NEMP2: variants seen among roughly 807,000 people sequenced by gnomAD.
The protein encoded by NEMP2 is nuclear envelope integral membrane protein 2, also known as UPF0571 transmembrane protein.
A neutral mutation model predicts 54.2 loss-of-function variants in NEMP2; 53 were observed. That is an observed-to-expected ratio of 0.98 (90% CI 0.78 to 1.23). NEMP2 has a LOEUF of 1.23. Among genes scored for constraint, NEMP2 ranks in the 50% most tolerant of loss-of-function variants. NEMP2 has a pLI of 0.00. For synonymous variants in NEMP2, 197 were observed against 190.3 expected, an observed-to-expected ratio of 1.04 and a Z score of -0.29; for missense variants, 455 against 511.3, an observed-to-expected ratio of 0.89 and a Z score of 1.06.
At chr2:190,476,921 G>A in the NEMP2 span, among the ~76,000 whole-genome samples, 2 of 151,898 alleles carry the variant, frequency 1.3e-5, no homozygotes, top group Non-Finnish European at 2.9e-5. Context: ...GGATGAAGCT[G>A]GAAACCATCA....
chr2:190,551,677 T>C, the NEMP2 span, among the ~76,000 whole-genome samples: 1 of 152,236 alleles, frequency 6.6e-6, no homozygotes, highest in Non-Finnish European at 1.5e-5. Context: ...GCTCATTTTT[T>C]CCCCTTAGGA....
At chr2:190,496,254 G>C in the NEMP2 span, among the ~76,000 whole-genome samples, 1,221 of 152,116 alleles carry the variant, frequency 8.0e-3, 23 homozygotes, top group African/African-American at 0.027. This position sits in a 1 kb window ranked among gnomAD's most constrained non-coding sequence, Gnocchi z 4.7. Flanking sequence ...CTAGTGATCA[G>C]GGAAATGCAA....
chr2:190,643,652 A>G, the NEMP2 span, among the ~76,000 whole-genome samples: 1 of 152,352 alleles, frequency 6.6e-6, no homozygotes, highest in Non-Finnish European at 1.5e-5. Context: ...TACTCGATAC[A>G]TGTTAGTTAT....
the NEMP2 span, chr2:190,469,776 G>A: frequency 1.9e-6 from 3 of 1,590,124 alleles, no homozygotes; most frequent in Non-Finnish European, 1.7e-6. The surrounding 1 kb of genome is among the most constrained non-coding windows in gnomAD (Gnocchi z 5.3). Flanking sequence ...ACATTGGCCT[G>A]GCCTGCAATA....
the NEMP2 span, among the ~76,000 whole-genome samples, chr2:190,566,754 A>AAAGG: frequency 6.8e-6 from 1 of 146,356 alleles, no homozygotes; most frequent in East Asian, 3.0e-4. Context: ...AAAAAAAAAG[A>AAAGG]AAGGAAGGAA....
At chr2:190,606,787 AG>A in the NEMP2 span, among the ~76,000 whole-genome samples, 1 of 152,336 alleles carries the variant, frequency 6.6e-6, no homozygotes, top group Middle Eastern at 3.4e-3. Context: ...ATATAATAAT[AG>A]CTCAATTAAT....
chr2:190,537,574 C>T (rs1691417626), upstream of NEMP2, among the ~76,000 whole-genome samples: 1 of 152,142 alleles, frequency 6.6e-6, no homozygotes, highest in Non-Finnish European at 1.5e-5. Flanking sequence ...GTCAATTAAA[C>T]CTCTTTCCTT....
the NEMP2 span, among the ~76,000 whole-genome samples, chr2:190,565,052 T>C: frequency 6.6e-6 from 1 of 151,982 alleles, no homozygotes; most frequent in Non-Finnish European, 1.5e-5. Flanking sequence ...AGTGCAAAGT[T>C]TGAGATAAGT....
chr2:190,544,863 G>A, the NEMP2 span, among the ~76,000 whole-genome samples: 1 of 149,908 alleles, frequency 6.7e-6, no homozygotes, highest in African/African-American at 2.5e-5. Context: ...CATGGCAGGA[G>A]GATCACTTGA....
chr2:190,534,955 G>C, upstream of NEMP2: 1 of 269,236 alleles, frequency 3.7e-6, no homozygotes, highest in Non-Finnish European at 7.0e-6. Flanking sequence ...CAGCGCACGC[G>C]GGGCGTCCAG....
At chr2:190,560,236 G>A in the NEMP2 span, among the ~76,000 whole-genome samples, 1 of 152,228 alleles carries the variant, frequency 6.6e-6, no homozygotes, top group Non-Finnish European at 1.5e-5. The surrounding 1 kb of genome is among the most constrained non-coding windows in gnomAD (Gnocchi z 5.4). Context: ...TTGCTGCTGG[G>A]ATAGGAATGC....
At chr2:190,477,268 T>C in the NEMP2 span, 1 of 984,146 alleles carries the variant, frequency 1.0e-6, no homozygotes, top group African/African-American at 1.7e-5. Flanking sequence ...CAAGGTAATA[T>C]GCAACACAGT....
At chr2:190,448,108 A>G in the NEMP2 span, among the ~76,000 whole-genome samples, 5 of 152,180 alleles carry the variant, frequency 3.3e-5, no homozygotes, top group African/African-American at 9.7e-5. Context: ...TGTGTACTGT[A>G]CCTTTTGTGA....
the NEMP2 span, among the ~76,000 whole-genome samples, chr2:190,563,912 G>T: frequency 5.9e-5 from 9 of 152,352 alleles, no homozygotes; most frequent in East Asian, 1.7e-3. This position sits in a 1 kb window ranked among gnomAD's most constrained non-coding sequence, Gnocchi z 4.3. Context: ...AGGGGAGGCG[G>T]GGAGGCCAAC....
chr2:190,630,976 A>T, the NEMP2 span, among the ~76,000 whole-genome samples: 11 of 152,038 alleles, frequency 7.2e-5, no homozygotes, highest in Non-Finnish European at 1.5e-4. The surrounding 1 kb of genome is among the most constrained non-coding windows in gnomAD (Gnocchi z 5.5). Flanking sequence ...CAGCCTGGCC[A>T]ACATAGTGAG....
the NEMP2 span, among the ~76,000 whole-genome samples, chr2:190,472,463 G>C: frequency 6.6e-6 from 1 of 152,172 alleles, no homozygotes; most frequent in East Asian, 1.9e-4. Context: ...TAGCTGATTT[G>C]ATCATCTGGA....
chr2:190,604,913 T>C, the NEMP2 span, among the ~76,000 whole-genome samples: 1 of 152,212 alleles, frequency 6.6e-6, no homozygotes, highest in Admixed American at 6.5e-5. The surrounding 1 kb of genome is among the most constrained non-coding windows in gnomAD (Gnocchi z 4.5). Context: ...GTTCCCAGTT[T>C]TTGTTAATTC....
chr2:190,584,898 TGAAAGAAA>T, the NEMP2 span, among the ~76,000 whole-genome samples: 16,803 of 119,818 alleles, frequency 0.14, 1,221 homozygotes, highest in East Asian at 0.16. This position sits in a 1 kb window ranked among gnomAD's most constrained non-coding sequence, Gnocchi z 4.2. Context: ...AAAACAACAA[TGAAAGAAA>T]GAAAGAAAGA....
the NEMP2 span, among the ~76,000 whole-genome samples, chr2:190,448,109 C>T: frequency 1.3e-5 from 2 of 152,112 alleles, no homozygotes; most frequent in African/African-American, 4.8e-5. Context: ...GTGTACTGTA[C>T]CTTTTGTGAT....
Sources: allele counts gnomAD v4.1 joint callset (sites outside exome capture counted in the v4.1 genomes callset), GRCh38; gene constraint gnomAD v4.1.1; non-coding constraint Gnocchi (gnomAD v3.1); transcripts MANE v1.5; gene names NCBI Gene and HGNC (gene_info 2026-07-23, HGNC 2026-07-21).